The following LMCD1 variants were observed in gnomAD, a reference collection of about 807,000 sequenced individuals.
LMCD1 encodes LIM and cysteine rich domains 1, also known as LIM and cysteine-rich domains protein 1.
Under a neutral mutation model 42.7 loss-of-function variants are expected in LMCD1, and 32 were observed. The observed-to-expected ratio is 0.75, with a 90% confidence interval of 0.57 to 1.01. LMCD1 has a LOEUF of 1.01. Among genes scored for constraint, LMCD1 ranks in the 50% least tolerant of loss-of-function variants. The probability of loss-of-function intolerance (pLI) is 0.00; values close to 1 mark genes in which losing one functional copy is unlikely to be tolerated. For missense variants in LMCD1, 458 were observed against 483.1 expected, an observed-to-expected ratio of 0.95 and a Z score of 0.49; for synonymous variants, 178 against 184.9, an observed-to-expected ratio of 0.96 and a Z score of 0.30.
chr3:8,502,362 T>TTATATA lies in LMCD1; in HGVS notation c.42+383_42+388dup, dbSNP rs777242922. On this transcript the variant is annotated intron_variant, in intron 1 of 5. Transcript: ENST00000157600. ...TTATATATAAAATATATAATATATA[T>TTATATA]TATATAAAATATATATAATATATAT... 3.3e-4 allele frequency among the ~76,000 whole-genome samples: 23 copies of TTATATA among 70,052 alleles called. No homozygotes were observed. In the East Asian group the frequency reaches 5.6e-3, roughly 17 times the overall value. The allele number at this position is 70,052 out of a possible 152,430, so 46.0% of individuals were successfully genotyped here. A position where few individuals can be genotyped will look rare whatever the true frequency, so the allele number is the denominator to read the frequency against.
At chr3:8,508,270 C>G (rs903127847) in intron 1 of LMCD1, among the ~76,000 whole-genome samples, 2 of 152,174 alleles carry the variant, frequency 1.3e-5, no homozygotes, top group African/African-American at 4.8e-5. Flanking sequence ...GTCTAGTCAG[C>G]CTGACCCATG....
chr3:8,531,143 G>T (rs1694404811), intron 1 of LMCD1, among the ~76,000 whole-genome samples: 1 of 152,170 alleles, frequency 6.6e-6, no homozygotes, highest in African/African-American at 2.4e-5. Context: ...AATGAGGATG[G>T]CTTCACAAGT....
Position 8,569,049 on chromosome 3 carries a change from A to G in LMCD1, c.*1451A>G, listed in dbSNP as rs1695173773. 6.6e-6 allele frequency: 1 copy of G among 152,220 alleles called. No homozygotes were observed. Among genetic ancestry groups the G allele is most frequent in the Admixed American group, 6.5e-5 (1 of 15,274 alleles). The allele number at this position is 152,220 out of a possible 1,614,324, so 9.4% of individuals were successfully genotyped here. ...CACCCTCAGTTTCCTCGTCATGTTC[A>G]TCTTCTCAAAGATAAGTTTCAAGTG... On this transcript the variant is annotated 3_prime_UTR_variant, in exon 6 of 6. Transcript: ENST00000157600.
chr3:8,538,177 C>G (rs1694547401), intron 3 of LMCD1, among the ~76,000 whole-genome samples: 1 of 152,174 alleles, frequency 6.6e-6, no homozygotes, highest in Non-Finnish European at 1.5e-5. Context: ...CAGCCACCTT[C>G]AAGATCCAAT....
chr3:8,543,257 G>T (rs1574965302), intron 3 of LMCD1, among the ~76,000 whole-genome samples: 1 of 152,178 alleles, frequency 6.6e-6, no homozygotes, highest in Non-Finnish European at 1.5e-5. Flanking sequence ...TGGCCGTCCG[G>T]CTGCCACTTC....
chr3:8,552,098 G>A (rs929615775), intron 4 of LMCD1, among the ~76,000 whole-genome samples: 2 of 152,164 alleles, frequency 1.3e-5, no homozygotes, highest in African/African-American at 2.4e-5. Context: ...CATCTTAATC[G>A]TGTTCGTTGT....
At position 8,514,066 on chromosome 3, in the gene LMCD1, A is replaced by G. The variant is rs193250180; in HGVS notation, c.42+12086A>G. ...AATATTTATGTGTGTGTGTGTGTGT[A>G]TATATATTTGTGTATATAGATAGAT... On this transcript the variant is annotated intron_variant, in intron 1 of 5. Transcript: ENST00000157600. Among the ~76,000 whole-genome samples the G allele has an allele frequency of 3.6e-4, 54 of 151,786 alleles. 1 individual carries two copies. Among genetic ancestry groups the G allele is most frequent in the East Asian group, 9.6e-4 (5 of 5,182 alleles).
At chr3:8,518,955 T>C (rs143165712) in intron 1 of LMCD1, among the ~76,000 whole-genome samples, 20 of 152,246 alleles carry the variant, frequency 1.3e-4, no homozygotes, top group African/African-American at 4.1e-4. Flanking sequence ...ATATTAGCTT[T>C]TGATGTGCCA....
chr3:8,566,482 C>T (rs1303630697), intron 5 of LMCD1, among the ~76,000 whole-genome samples: 1 of 152,172 alleles, frequency 6.6e-6, no homozygotes, highest in African/African-American at 2.4e-5. Context: ...TACCTAATAA[C>T]TCTGTTATTA....
chr3:8,526,343 A>T lies in LMCD1; in HGVS notation c.43-6394A>T, dbSNP rs1234598269. Among the ~76,000 whole-genome samples the T allele has an allele frequency of 2.0e-5, 3 of 152,224 alleles. No individual in the cohort carries two copies. The East Asian group carries it at 5.8e-4, about 29-fold the overall frequency. ...AAATTAAAATGTGGATCTGGAATTC[A>T]GATACCTGTGTCCAAATCTAAGCTC... On this transcript the variant is annotated intron_variant, in intron 1 of 5. Transcript: ENST00000157600.
intron 1 of LMCD1, among the ~76,000 whole-genome samples, chr3:8,522,343 G>A (rs556442059): frequency 2.0e-4 from 30 of 152,292 alleles, no homozygotes; most frequent in African/African-American, 7.2e-4. Flanking sequence ...AGACTGCAGC[G>A]GGGAGGAGAG....
At chr3:8,551,508 C>T (rs749624021) in intron 4 of LMCD1, among the ~76,000 whole-genome samples, 1 of 152,200 alleles carries the variant, frequency 6.6e-6, no homozygotes, top group African/African-American at 2.4e-5. Context: ...TAAGATCCCA[C>T]GGTTTCTATG....
At chr3:8,523,400 G>C (rs1694240077) in intron 1 of LMCD1, among the ~76,000 whole-genome samples, 1 of 152,208 alleles carries the variant, frequency 6.6e-6, no homozygotes, top group South Asian at 2.1e-4. Context: ...TCCCTGAAGA[G>C]CATCTGTCAT....
At chr3:8,503,275 C>CA (rs1192141284) in intron 1 of LMCD1, among the ~76,000 whole-genome samples, 5 of 152,196 alleles carry the variant, frequency 3.3e-5, no homozygotes, top group Admixed American at 2.6e-4. Flanking sequence ...GCACAGCATG[C>CA]ACTGTCTAAT....
At chr3:8,555,478 T>C (rs1345111314) in intron 4 of LMCD1, among the ~76,000 whole-genome samples, 2 of 152,132 alleles carry the variant, frequency 1.3e-5, no homozygotes, top group African/African-American at 4.8e-5. Context: ...GAGGAATCCC[T>C]GCTCCCCACA....
intron 4 of LMCD1, among the ~76,000 whole-genome samples, chr3:8,552,844 C>T (rs1226282290): frequency 3.9e-5 from 6 of 152,198 alleles, no homozygotes; most frequent in African/African-American, 1.4e-4. Context: ...CTGCCTCAGC[C>T]TTCCGAGTAG....
At chr3:8,564,262 ATAT>A (rs564920697) in intron 4 of LMCD1, among the ~76,000 whole-genome samples, 67 of 151,842 alleles carry the variant, frequency 4.4e-4, no homozygotes, top group Admixed American at 2.8e-3. Context: ...AACTACTCAA[ATAT>A]TATTATTATT....
intron 4 of LMCD1, among the ~76,000 whole-genome samples, chr3:8,553,896 A>G (rs1348994967): frequency 6.6e-6 from 1 of 152,182 alleles, no homozygotes. Flanking sequence ...AGTGAGGCCA[A>G]TACAATTCAA....
chr3:8,561,135 A>C (rs1574975578), intron 4 of LMCD1, among the ~76,000 whole-genome samples: 2 of 152,350 alleles, frequency 1.3e-5, no homozygotes, highest in South Asian at 2.1e-4. Context: ...CTGTCTTCAC[A>C]TGGCAAAAAA....
Sources: gnomAD v4.1 joint callset for allele counts (sites outside exome capture counted in the v4.1 genomes callset) on GRCh38, gnomAD v4.1.1 for gene constraint, MANE v1.5 for transcripts, NCBI Gene and HGNC (gene_info 2026-07-23, HGNC 2026-07-21) for gene names.